PRKAA1: variants seen among roughly 807,000 people sequenced by gnomAD.
PRKAA1 encodes the protein 5'-AMP-activated protein kinase catalytic subunit alpha-1.
Under a neutral mutation model 56.9 loss-of-function variants are expected in PRKAA1, and 23 were observed. The ratio of observed to expected loss-of-function variants is 0.40; its 90% CI spans 0.29 to 0.57. The LOEUF (loss-of-function observed/expected upper bound fraction) is 0.57. Ranked by LOEUF, PRKAA1 falls within the 20% of genes least tolerant of loss-of-function variation. The probability of loss-of-function intolerance (pLI) is 0.39; values close to 1 mark genes in which losing one functional copy is unlikely to be tolerated. For synonymous variants in PRKAA1, 226 were observed against 227.0 expected (o/e 1.00, Z 0.04); for missense variants, 413 against 679.7 (o/e 0.61, Z 4.36).
At chr5:40,767,816 T>C in intron 5 of PRKAA1, 126 bp from the exon 6 acceptor site, 1 of 760,402 alleles carries the variant, frequency 1.3e-6, no homozygotes, top group Non-Finnish European at 2.1e-6. Flanking sequence ...TAGCCACTAC[T>C]ACATGTTACA....
At chr5:40,796,188 C>T (rs1480547631) in intron 1 of PRKAA1, among the ~76,000 whole-genome samples, 4 of 151,894 alleles carry the variant, frequency 2.6e-5, no homozygotes, top group Non-Finnish European at 5.9e-5. Flanking sequence ...TGGTGGTGGG[C>T]GCCTGTAATT....
Position 40,767,480 on chromosome 5 carries a change from T to G in PRKAA1, c.807A>C (p.Thr269=), listed in dbSNP as rs768519806. The stretch of plus-strand genomic sequence containing the variant: ...TGCTTTATTACCTGATATCTTTGAT[T>G]GTGGCCCTCTTCATGGGATCCACCT... The part of the protein sequence containing the change: ...MLQVDPMKRA[T]IKDIREHEWF... The change falls in exon 6 of 9, where the codon ACA becomes ACC. Residue 269 remains threonine, a synonymous_variant. Coordinates refer to ENST00000397128, the MANE Select transcript of PRKAA1 (RefSeq NM_006251.6). 14 of 1,610,404 alleles carry G rather than the reference T, an allele frequency of 8.7e-6. No homozygotes were observed. In the South Asian group the frequency reaches 1.5e-4, roughly 18 times the overall value.
intron 4 of PRKAA1, among the ~76,000 whole-genome samples, chr5:40,770,041 A>G (rs1743655004): frequency 1.3e-5 from 2 of 152,292 alleles, no homozygotes; most frequent in East Asian, 1.9e-4. Context: ...TTTTAAAAAA[A>G]AACAAAACAC....
chr5:40,783,973 A>G (rs557321878), intron 1 of PRKAA1, among the ~76,000 whole-genome samples: 126 of 152,316 alleles, frequency 8.3e-4, no homozygotes, highest in African/African-American at 3.0e-3. Context: ...GGCAAGTTAA[A>G]GAAACTACAA....
rs1322745484 is a variant in PRKAA1 at position 40,798,076 on chromosome 5, G to A, written c.114C>T (p.Phe38=). The A allele has an allele frequency of 6.2e-7, 1 of 1,609,812 alleles. No individual in the cohort carries two copies. Among genetic ancestry groups the A allele is most frequent in the Non-Finnish European group, 8.5e-7 (1 of 1,177,610 alleles). Residue 38 remains phenylalanine (F), a synonymous_variant, in exon 1 of 9, where the codon TTC becomes TTT. Transcript: ENST00000397128. ...CGGGGTTCTCACCCTTCACTTTGCC[G>A]AAGGTGCCGACCCCCAGCGTGTCAC... ...ILGDTLGVGT[F]GKVKVGKHEL...
intron 1 of PRKAA1, among the ~76,000 whole-genome samples, chr5:40,783,619 C>T (rs1351152676): frequency 2.6e-5 from 4 of 152,100 alleles, no homozygotes; most frequent in African/African-American, 9.6e-5. Flanking sequence ...ATTAACCAGG[C>T]GTGTTGGCAC....
At chr5:40,766,675 A>G (rs888729699) in intron 6 of PRKAA1, among the ~76,000 whole-genome samples, 2 of 152,180 alleles carry the variant, frequency 1.3e-5, no homozygotes, top group African/African-American at 2.4e-5. Flanking sequence ...AAGAAATAAA[A>G]TAGCCACCCA....
chr5:40,787,325 C>T (rs1579753056), intron 1 of PRKAA1, among the ~76,000 whole-genome samples: 2 of 151,504 alleles, frequency 1.3e-5, no homozygotes, highest in East Asian at 2.0e-4. Flanking sequence ...ATTAGCCGGG[C>T]GTGGTGGCGC....
At chr5:40,771,690 A>G in intron 4 of PRKAA1, 29 bp downstream of exon 4, 2 of 1,579,352 alleles carry the variant, frequency 1.3e-6, no homozygotes, top group Non-Finnish European at 1.7e-6. Flanking sequence ...TTAGAAATGA[A>G]CGTTAAGAAA....
chr5:40,795,154 A>G (rs1430044120), intron 1 of PRKAA1, among the ~76,000 whole-genome samples: 1 of 152,174 alleles, frequency 6.6e-6, no homozygotes, highest in Non-Finnish European at 1.5e-5. Flanking sequence ...CCAACACAGT[A>G]TGTTCTAATC....
In PRKAA1 at chr5:40,798,197, CG is replaced by C. The variant is rs1745032314; in HGVS notation, c.-9del. ...GGAACTGAGTCTGCGCATGGCGCTG[CG>C]GGAGGGGGCGGAGGGGGCGGGCAGG... is the stretch of plus-strand genomic sequence containing the variant. On this transcript the variant is annotated 5_prime_UTR_variant, in exon 1 of 9. Coordinates refer to ENST00000397128, the MANE Select transcript of PRKAA1 (RefSeq NM_006251.6). The C allele has an allele frequency of 5.5e-6, 4 of 723,570 alleles. No individual in the cohort carries two copies. The highest frequency in any genetic ancestry group is 2.3e-4 in the East Asian group (2 of 8,552). The allele number at this position is 723,570 out of a possible 1,614,324, so 44.8% of individuals were successfully genotyped here.
At chr5:40,776,830 A>G (rs190655190) in intron 2 of PRKAA1, among the ~76,000 whole-genome samples, 329 of 152,288 alleles carry the variant, frequency 2.2e-3, no homozygotes, top group Admixed American at 5.2e-3. Context: ...TTGGAGGTCA[A>G]GAGTTTTTAC....
rs954891149 is a variant in PRKAA1, at chr5:40,762,428, C to T, written c.*350G>A. On this transcript the variant is annotated 3_prime_UTR_variant, in exon 9 of 9. Transcript: ENST00000397128. ...ATATTTATTGAATAAATTTATAACA[C>T]GTAATATATAACACGTAATAATATA... 18 of 183,770 alleles carry T rather than the reference C, an allele frequency of 9.8e-5. No homozygotes were observed. The highest frequency in any genetic ancestry group is 2.4e-4 in the African/African-American group (10 of 41,888). 11.4% of individuals were successfully genotyped at this position (183,770 alleles called of 1,614,324 possible). A position where few individuals can be genotyped will look rare whatever the true frequency, so the allele number is the denominator to read the frequency against.
In PRKAA1 at chr5:40,762,893, G is replaced by A. The variant is rs1408060601; in HGVS notation, c.1565C>T (p.Thr522Ile). The A allele has an allele frequency of 1.2e-6, 2 of 1,614,190 alleles. No individual in the cohort carries two copies. The highest frequency in any genetic ancestry group is 1.6e-4 in the Middle Eastern group (1 of 6,062). ...AGAGTCAAGTGAGGTCACAGATGAG[G>A]TAAGAGAAACTTCTGAGGATTTTCC... ...AQGKSSEVSL[T>I]SSVTSLDSSP... The change falls in exon 9 of 9, where the codon ACC becomes ATC. Residue 522 changes from threonine (T) to isoleucine (I), a missense_variant. Thr to Ile is a moderately conservative substitution (Grantham distance 89, BLOSUM62 -1). Transcript: ENST00000397128.
chr5:40,773,448 G>C (rs1002189844), intron 3 of PRKAA1, among the ~76,000 whole-genome samples: 1 of 152,180 alleles, frequency 6.6e-6, no homozygotes, highest in Non-Finnish European at 1.5e-5. Context: ...GGTTAGAAAA[G>C]TCAAAATACA....
At chr5:40,785,485 C>G (rs183403799) in intron 1 of PRKAA1, among the ~76,000 whole-genome samples, 6 of 152,054 alleles carry the variant, frequency 3.9e-5, no homozygotes, top group Non-Finnish European at 5.9e-5. Flanking sequence ...GGTGATCCGC[C>G]CCCCCTCGGC....
intron 1 of PRKAA1, among the ~76,000 whole-genome samples, chr5:40,779,903 AG>A (rs1452837395): frequency 7.0e-6 from 1 of 142,116 alleles, no homozygotes; most frequent in Non-Finnish European, 1.6e-5. Context: ...GCAAAAAAAA[AG>A]TGCATAAAAT....
chr5:40,780,410 C>T (rs778557346), intron 1 of PRKAA1, among the ~76,000 whole-genome samples: 5 of 152,008 alleles, frequency 3.3e-5, no homozygotes, highest in Non-Finnish European at 5.9e-5. Flanking sequence ...TCAGCATTCT[C>T]GACAGACATA....
rs1743135824 is a variant in PRKAA1 at position 40,760,475 on chromosome 5, A to C, written c.*2303T>G. 6.5e-6 allele frequency: 1 copy of C among 152,766 alleles called. No homozygotes were observed. Among genetic ancestry groups the C allele is most frequent in the Non-Finnish European group, 1.5e-5 (1 of 68,008 alleles). The allele number at this position is 152,766 out of a possible 1,614,324, so 9.5% of individuals were successfully genotyped here. A position where few individuals can be genotyped will look rare whatever the true frequency, so the allele number is the denominator to read the frequency against. On this transcript the variant is annotated 3_prime_UTR_variant, in exon 9 of 9. Coordinates refer to ENST00000397128, the MANE Select transcript of PRKAA1 (RefSeq NM_006251.6). Reference sequence around the variant, plus strand: ...AGCGCCATTACTTAATTCCATATACAAATTTGTAACTTTAAAAATACAGTC... The same window carrying C: ...AGCGCCATTACTTAATTCCATATACCAATTTGTAACTTTAAAAATACAGTC...
Sources: gnomAD v4.1 joint callset for allele counts (sites outside exome capture counted in the v4.1 genomes callset) on GRCh38, gnomAD v4.1.1 for gene constraint, MANE v1.5 for transcripts, NCBI Gene and HGNC (gene_info 2026-07-23, HGNC 2026-07-21) for gene names.